Variants in AGBL1 observed in about 807,000 individuals in gnomAD.
AGBL1 encodes cytosolic carboxypeptidase 4.
AGBL1 carries 130 observed loss-of-function variants against 118.9 expected under a neutral mutation model. The observed-to-expected ratio is 1.09, with a 90% CI of 0.95 to 1.26. AGBL1 has a LOEUF of 1.26. Ranked by LOEUF, AGBL1 falls within the 50% of genes most tolerant of loss-of-function variation. The pLI is 0.00. For missense variants in AGBL1, 1,584 were observed against 1,298.1 expected (o/e 1.22, Z -3.38); for synonymous variants, 555 against 478.9 (o/e 1.16, Z -2.08).
At chr15:86,562,374 G>A (rs1246536480) in intron 21 of AGBL1, among the ~76,000 whole-genome samples, 1 of 152,162 alleles carries the variant, frequency 6.6e-6, no homozygotes, top group Admixed American at 6.5e-5. Context: ...TTTTGCCAAA[G>A]GCCTTTTCTG....
intron 7 of AGBL1, among the ~76,000 whole-genome samples, chr15:86,255,150 C>T (rs1355424780): frequency 6.6e-6 from 1 of 152,182 alleles, no homozygotes. Flanking sequence ...CTTGGGCTGG[C>T]TCTATCTCTA....
intron 22 of AGBL1, among the ~76,000 whole-genome samples, chr15:86,832,244 G>A (rs1474184872): frequency 6.6e-6 from 1 of 152,190 alleles, no homozygotes; most frequent in African/African-American, 2.4e-5. Context: ...CATTGTTTTG[G>A]TGATTAACAT....
At chr15:86,406,283 A>G (rs2081529341) in intron 18 of AGBL1, among the ~76,000 whole-genome samples, 2 of 152,210 alleles carry the variant, frequency 1.3e-5, no homozygotes, top group African/African-American at 4.8e-5. Flanking sequence ...AGGGCATCTG[A>G]GCACTGTAGT....
intron 24 of AGBL1, among the ~76,000 whole-genome samples, chr15:87,017,868 T>C (rs1441330946): frequency 6.6e-6 from 1 of 152,120 alleles, no homozygotes. Context: ...AAGGAGCATG[T>C]TGTAACCCAA....
At chr15:86,980,607 T>C (rs1262443606) in intron 23 of AGBL1, among the ~76,000 whole-genome samples, 1 of 152,158 alleles carries the variant, frequency 6.6e-6, no homozygotes, top group African/African-American at 2.4e-5. Flanking sequence ...GAGAGATTTT[T>C]TGAGAAAATA....
rs189616658 is a variant in AGBL1 at position 86,975,590 on chromosome 15, A to T, written c.3222-12397A>T. Among the ~76,000 whole-genome samples, 15 of 152,236 alleles carry T rather than the reference A, an allele frequency of 9.9e-5. No homozygotes were observed. The East Asian group carries it at 2.9e-3, about 29-fold the overall frequency. ...TCTCCAAAAATTCCCATTGCTCTCC[A>T]TGCTCCAACCTCATCAGCAAATATT... On this transcript the variant is annotated intron_variant, in intron 23 of 24. Transcript: ENST00000441037.
intron 18 of AGBL1, among the ~76,000 whole-genome samples, chr15:86,446,506 C>T (rs1353052181): frequency 6.6e-6 from 1 of 152,228 alleles, no homozygotes; most frequent in Non-Finnish European, 1.5e-5. Context: ...CTTAGCACTT[C>T]ATCCTTCTAA....
chr15:86,523,289 G>T (rs1308766749), intron 19 of AGBL1, among the ~76,000 whole-genome samples: 1 of 152,154 alleles, frequency 6.6e-6, no homozygotes, highest in Non-Finnish European at 1.5e-5. Flanking sequence ...TGGGCTTGTG[G>T]CAGTGTAACT....
chr15:86,172,499 T>C (rs2077429722), intron 5 of AGBL1, among the ~76,000 whole-genome samples: 1 of 152,210 alleles, frequency 6.6e-6, no homozygotes. Flanking sequence ...CCGATTTCTC[T>C]TCTCCCTTCC....
chr15:86,568,824 G>C (rs1032927878), intron 21 of AGBL1, among the ~76,000 whole-genome samples: 3 of 152,052 alleles, frequency 2.0e-5, no homozygotes, highest in Non-Finnish European at 4.4e-5. Flanking sequence ...AAGAGTGAAG[G>C]GTCAAGCATA....
intron 21 of AGBL1, among the ~76,000 whole-genome samples, chr15:86,582,404 G>A (rs568066231): frequency 6.6e-6 from 1 of 152,102 alleles, no homozygotes; most frequent in South Asian, 2.1e-4. Flanking sequence ...TACACTGTTG[G>A]TGGGGCTATA....
intron 16 of AGBL1, among the ~76,000 whole-genome samples, chr15:86,284,929 T>C (rs1005251086): frequency 6.6e-6 from 1 of 152,284 alleles, no homozygotes; most frequent in South Asian, 2.1e-4. Context: ...TCAGTCTCTC[T>C]GGGGGTTTCT....
chr15:86,828,181 G>T (rs2079058207), intron 22 of AGBL1, among the ~76,000 whole-genome samples: 1 of 151,576 alleles, frequency 6.6e-6, no homozygotes, highest in African/African-American at 2.4e-5. Flanking sequence ...GGGCTCAAGA[G>T]ATCCTCCTGC....
chr15:86,297,754 G>A (rs2079669316), intron 17 of AGBL1, among the ~76,000 whole-genome samples: 1 of 152,158 alleles, frequency 6.6e-6, no homozygotes, highest in Non-Finnish European at 1.5e-5. Flanking sequence ...TGGGGTAAGT[G>A]GAGCTCAGAA....
At chr15:86,696,775 C>T (rs1198116480) in intron 22 of AGBL1, among the ~76,000 whole-genome samples, 1 of 151,666 alleles carries the variant, frequency 6.6e-6, no homozygotes, top group Admixed American at 6.6e-5. Flanking sequence ...TTTAGCAGTT[C>T]TTGTAGTGCT....
intron 24 of AGBL1, among the ~76,000 whole-genome samples, chr15:86,994,815 A>C (rs1407968348): frequency 6.6e-6 from 1 of 152,236 alleles, no homozygotes; most frequent in Admixed American, 6.5e-5. Flanking sequence ...TAGAACATAA[A>C]GTATATGTAA....
rs150063862 is a variant in AGBL1 at position 87,011,222 on chromosome 15, G to C, written c.3324-17603G>C. 2.9e-4 allele frequency among the ~76,000 whole-genome samples: 44 copies of C among 152,284 alleles called. 1 individual carries two copies. The East Asian group carries it at 8.5e-3, about 29-fold the overall frequency. ...TGATGTCAGGACAACCCCTAACTGT[G>C]TATTGAAGGAGACTACCACATGGGA... On this transcript the variant is annotated intron_variant, in intron 24 of 24. Transcript: ENST00000441037.
chr15:86,621,301 C>T (rs1207665348), intron 21 of AGBL1, among the ~76,000 whole-genome samples: 1 of 152,168 alleles, frequency 6.6e-6, no homozygotes, highest in Admixed American at 6.5e-5. Context: ...GGTTCAAGTC[C>T]TTGCTCTGCC....
In AGBL1 at chr15:86,300,742, G is replaced by C. The variant is rs569581710; in HGVS notation, c.2374+5334G>C. Among the ~76,000 whole-genome samples the C allele has an allele frequency of 1.6e-4, 25 of 152,220 alleles. 1 individual carries two copies. Among genetic ancestry groups the C allele is most frequent in the Middle Eastern group, 3.4e-3 (1 of 294 alleles). ...GGGCCTGAGGTGGGGAAAAGCAAGA[G>C]GCTGCATTTGCAGTTGTTAAAGAAT... On this transcript the variant is annotated intron_variant, in intron 17 of 22. Transcript: ENST00000614907.
Sources: gnomAD v4.1 joint callset for allele counts (sites outside exome capture counted in the v4.1 genomes callset) on GRCh38, gnomAD v4.1.1 for gene constraint, MANE v1.5 for transcripts, NCBI Gene and HGNC (gene_info 2026-07-23, HGNC 2026-07-21) for gene names.